The following RNLS variants were observed in gnomAD, a reference collection of about 807,000 sequenced individuals.
RNLS encodes the protein renalase, FAD dependent amine oxidase, also known as renalase.
In RNLS, 39 loss-of-function variants were observed where a neutral mutation model predicts 39.8. That is an observed-to-expected ratio of 0.98 (90% CI 0.76 to 1.28). The LOEUF (loss-of-function observed/expected upper bound fraction) is 1.28, where lower values mean the gene tolerates loss of function less well. RNLS is among the 50% of genes most tolerant of loss of function. The pLI is 0.00. For missense variants in RNLS, 410 were observed against 413.3 expected, an observed-to-expected ratio of 0.99 and a Z score of 0.07; for synonymous variants, 147 against 150.7, an observed-to-expected ratio of 0.98 and a Z score of 0.18.
intron 4 of RNLS, among the ~76,000 whole-genome samples, chr10:88,406,631 T>C (rs1589739624): frequency 6.6e-6 from 1 of 152,042 alleles, no homozygotes; most frequent in South Asian, 2.1e-4. Context: ...ACAGCTGCTA[T>C]GGAAAACAGT....
chr10:88,461,189 A>T (rs1472583964), intron 4 of RNLS, among the ~76,000 whole-genome samples: 2 of 152,016 alleles, frequency 1.3e-5, no homozygotes, highest in Non-Finnish European at 2.9e-5. Flanking sequence ...TGAACTTCTA[A>T]ACTCAAGTTA....
At chr10:88,441,581 G>A (rs1386141071) in intron 4 of RNLS, among the ~76,000 whole-genome samples, 1 of 152,162 alleles carries the variant, frequency 6.6e-6, no homozygotes, top group Non-Finnish European at 1.5e-5. Flanking sequence ...GGGATATTTA[G>A]AATTAATTCT....
intron 5 of RNLS, among the ~76,000 whole-genome samples, chr10:88,340,396 G>A (rs1253334458): frequency 6.6e-6 from 1 of 152,222 alleles, no homozygotes; most frequent in Non-Finnish European, 1.5e-5. Context: ...TTCGTATGGA[G>A]GATAAACCTC....
At chr10:88,581,792 CAG>C in intron 2 of RNLS, 83 bp from the exon 3 acceptor site, 1 of 911,116 alleles carries the variant, frequency 1.1e-6, no homozygotes, top group Non-Finnish European at 1.5e-6. Flanking sequence ...CAATAATTCT[CAG>C]AGGTTATAAT....
chr10:88,510,561 C>A (rs1206665381), intron 4 of RNLS, among the ~76,000 whole-genome samples: 1 of 151,926 alleles, frequency 6.6e-6, no homozygotes, highest in African/African-American at 2.4e-5. Flanking sequence ...AAATAAGTAA[C>A]AGATAAGTAA....
chr10:88,486,405 A>G (rs543674144), intron 4 of RNLS, among the ~76,000 whole-genome samples: 4 of 152,170 alleles, frequency 2.6e-5, no homozygotes, highest in Non-Finnish European at 5.9e-5. Context: ...CTGCACAACA[A>G]AAGAAACTAT....
intron 4 of RNLS, among the ~76,000 whole-genome samples, chr10:88,548,337 T>C (rs114192732): frequency 4.9e-4 from 69 of 141,610 alleles, no homozygotes; most frequent in African/African-American, 1.8e-3. Flanking sequence ...AAGTGACTTA[T>C]AAACTGTCAA....
At chr10:88,536,297 A>C (rs1185547641) in intron 4 of RNLS, among the ~76,000 whole-genome samples, 1 of 152,142 alleles carries the variant, frequency 6.6e-6, no homozygotes, top group Non-Finnish European at 1.5e-5. Flanking sequence ...AGACTACCTT[A>C]AAAAACAAAA....
intron 4 of RNLS, among the ~76,000 whole-genome samples, chr10:88,485,234 C>A (rs1222045819): frequency 2.0e-5 from 3 of 151,786 alleles, no homozygotes; most frequent in African/African-American, 7.2e-5. Context: ...ATATACTAGT[C>A]AAGACAGTGT....
chr10:88,284,214 G>A lies in RNLS; in HGVS notation c.*1140C>T, dbSNP rs1395396428. ...AGAAGCAAGTTCTGCCTGTGCCTGT[G>A]TATGTGTATGTATGACAGTGGACAT... On this transcript the variant is annotated 3_prime_UTR_variant, in exon 7 of 7. Coordinates refer to ENST00000331772, the MANE Select transcript of RNLS (RefSeq NM_001031709.3). The A allele has an allele frequency of 5.1e-6, 5 of 985,266 alleles. No individual in the cohort carries two copies. The highest frequency in any genetic ancestry group is 9.4e-5 in the South Asian group (2 of 21,290). 61.0% of individuals were successfully genotyped at this position (985,266 alleles called of 1,614,324 possible).
At position 88,547,983 on chromosome 10, in the gene RNLS, T is replaced by A. The variant is rs186987097; in HGVS notation, c.526+24920A>T. ...GTGGAATACAAAAAGAAAACAAGGC[T>A]GGGCACAGTGGCTCACGCCTGTAAT... On this transcript the variant is annotated intron_variant, in intron 4 of 6. Transcript: ENST00000331772. Among the ~76,000 whole-genome samples, 645 of 152,110 alleles carry A rather than the reference T, an allele frequency of 4.2e-3. 22 individuals carry two copies. In the South Asian group the frequency reaches 0.075, roughly 18 times the overall value.
chr10:88,351,592 G>C (rs937928292), intron 5 of RNLS, among the ~76,000 whole-genome samples: 1 of 152,020 alleles, frequency 6.6e-6, no homozygotes, highest in South Asian at 2.1e-4. Context: ...GGTCTATATC[G>C]CTGTTTTGGT....
chr10:88,171,731 A>G, the RNLS span, among the ~76,000 whole-genome samples: 1 of 152,288 alleles, frequency 6.6e-6, no homozygotes, highest in African/African-American at 2.4e-5. Flanking sequence ...AAAATATACA[A>G]TGAATTATTG....
At chr10:88,431,639 T>C (rs1042160332) in intron 4 of RNLS, among the ~76,000 whole-genome samples, 1 of 151,718 alleles carries the variant, frequency 6.6e-6, no homozygotes, top group Admixed American at 6.6e-5. Flanking sequence ...CATATTGGTT[T>C]AGCAGTATCC....
At chr10:88,574,007 A>G (rs556954726) in intron 3 of RNLS, among the ~76,000 whole-genome samples, 41 of 151,546 alleles carry the variant, frequency 2.7e-4, no homozygotes, top group African/African-American at 8.0e-4. Context: ...TGGGTATGGT[A>G]GTGCATGCCT....
chr10:88,559,356 C>T (rs774095771), intron 4 of RNLS, among the ~76,000 whole-genome samples: 13 of 152,116 alleles, frequency 8.5e-5, no homozygotes, highest in Non-Finnish European at 1.9e-4. Flanking sequence ...TTTACCACCT[C>T]AATGTATCCA....
chr10:88,438,972 G>T (rs903488470), intron 4 of RNLS, among the ~76,000 whole-genome samples: 2 of 152,110 alleles, frequency 1.3e-5, no homozygotes, highest in African/African-American at 2.4e-5. Flanking sequence ...CACCGGGGGC[G>T]GGTGGGAGTG....
At chr10:88,390,895 G>C (rs1464885227) in intron 4 of RNLS, among the ~76,000 whole-genome samples, 1 of 152,056 alleles carries the variant, frequency 6.6e-6, no homozygotes, top group Non-Finnish European at 1.5e-5. Context: ...TTAAGCCTAG[G>C]ACCAAATTCA....
At chr10:88,256,629 G>A in the RNLS span, among the ~76,000 whole-genome samples, 1 of 152,186 alleles carries the variant, frequency 6.6e-6, no homozygotes, top group Non-Finnish European at 1.5e-5. Context: ...TAAACATGGA[G>A]GCTGTATCTT....
Sources: allele counts gnomAD v4.1 joint callset (sites outside exome capture counted in the v4.1 genomes callset), GRCh38; gene constraint gnomAD v4.1.1; transcripts MANE v1.5; gene names NCBI Gene and HGNC (gene_info 2026-07-23, HGNC 2026-07-21).